ENDOU: variants seen among roughly 807,000 people sequenced by gnomAD.
The protein encoded by ENDOU is endonuclease, poly(U) specific, also known as uridylate-specific endoribonuclease.
A neutral mutation model predicts 54.2 loss-of-function variants in ENDOU; 49 were observed. That is an observed-to-expected ratio of 0.90 (90% confidence interval 0.72 to 1.15). ENDOU has a LOEUF of 1.15. Ranked by LOEUF, ENDOU falls within the 50% of genes most tolerant of loss-of-function variation. The pLI is 0.00. For synonymous variants in ENDOU, 172 were observed against 190.5 expected, an observed-to-expected ratio of 0.90 and a Z score of 0.80; for missense variants, 458 against 511.4, an observed-to-expected ratio of 0.90 and a Z score of 1.01.
intron 2 of ENDOU, 31 bp from the exon 3 acceptor site, chr12:47,718,225 A>G: frequency 6.5e-7 from 1 of 1,539,474 alleles, no homozygotes; most frequent in Non-Finnish European, 8.8e-7. Context: ...AAAGTCACCA[A>G]CAACCTGAGA....
At chr12:47,720,910 G>A (rs1940413983) in intron 1 of ENDOU, 35 bp from the exon 2 acceptor site, 5 of 1,534,972 alleles carry the variant, frequency 3.3e-6, no homozygotes, top group Non-Finnish European at 4.4e-6. Context: ...TCAGCTCTAT[G>A]GAGACCCTGT....
intron 1 of ENDOU, among the ~76,000 whole-genome samples, chr12:47,723,074 G>T (rs1224351159): frequency 6.6e-6 from 1 of 152,200 alleles, no homozygotes; most frequent in Non-Finnish European, 1.5e-5. Flanking sequence ...AATCAGCAGA[G>T]TCCAGGGAAA....
rs757197241 is a variant in ENDOU, at chr12:47,716,909, C to T, written c.532G>A (p.Val178Met). Residue 178 changes from valine to methionine, a missense_variant, in exon 5 of 10, where the codon GTG becomes ATG. Physicochemically the swap from Val to Met is conservative, Grantham distance 21. Coordinates refer to ENST00000422538, the MANE Select transcript of ENDOU (RefSeq NM_001172439.2). ...CISPSETRNQVDRCPKPLFTY... is the reference protein window; with the variant it reads ...CISPSETRNQMDRCPKPLFTY... ...ACTCACGGCTTTGGGCAGCGATCCA[C>T]TTGGTTTCTGGTCTCTGACGGGGAG... 5 of 1,614,186 alleles carry T rather than the reference C, an allele frequency of 3.1e-6. No individual in the cohort carries two copies. Among genetic ancestry groups the T allele is most frequent in the Non-Finnish European group, 4.2e-6 (5 of 1,180,040 alleles).
chr12:47,718,042 G>T, intron 3 of ENDOU, 87 bp downstream of exon 3: 1 of 1,174,306 alleles, frequency 8.5e-7, no homozygotes, highest in Non-Finnish European at 1.2e-6. Flanking sequence ...CCTGGGCCTG[G>T]TGCCACTGCC....
intron 1 of ENDOU, among the ~76,000 whole-genome samples, chr12:47,724,345 G>T (rs1054625116): frequency 6.6e-6 from 1 of 152,160 alleles, no homozygotes; most frequent in African/African-American, 2.4e-5. Context: ...TGGTTGGGAG[G>T]CACAACTTCC....
intron 6 of ENDOU, 69 bp from the exon 7 acceptor site, chr12:47,713,457 C>T: frequency 1.0e-6 from 1 of 994,400 alleles, no homozygotes; most frequent in Admixed American, 1.8e-5. Context: ...TAAACAGAGA[C>T]CTGAAGAGCT....
chr12:47,712,753 G>A (rs112845931), intron 7 of ENDOU, 131 bp from the exon 8 acceptor site: 180 of 675,524 alleles, frequency 2.7e-4, no homozygotes, highest in Admixed American at 4.5e-4. Flanking sequence ...ACCCCTTGCT[G>A]TGAGTCCCCA....
Position 47,725,362 on chromosome 12 carries a change from C to A in ENDOU, c.52G>T (p.Ala18Ser), listed in dbSNP as rs143914833. The A allele has an allele frequency of 2.4e-4, 380 of 1,614,146 alleles. 3 individuals carry two copies. In the East Asian group the frequency reaches 6.5e-3, roughly 28 times the overall value. Residue 18 changes from alanine to serine, a missense_variant, in exon 1 of 10, where the codon GCT (alanine) becomes TCT (serine). By Grantham distance (99) the Ala-to-Ser change is moderately conservative. Transcript: ENST00000422538. ...VLAVLCGLAWAGKIESCASRC... is the reference protein window; with the variant it reads ...VLAVLCGLAWSGKIESCASRC... ...TGCCCGCCAGATAGTGACTTACCAG[C>A]CCAGGCCAGGCCACACAGCACGGCC... is the stretch of plus-strand genomic sequence containing the variant.
At chr12:47,717,154 G>C in intron 4 of ENDOU, 96 bp from the exon 5 acceptor site, 1 of 1,049,384 alleles carries the variant, frequency 9.5e-7, no homozygotes. Flanking sequence ...GCACCTTCAA[G>C]AAGCCAGCAA....
Position 47,710,349 on chromosome 12 carries a change from G to A in ENDOU, c.*453C>T, listed in dbSNP as rs1215468849. The A allele has an allele frequency of 6.5e-6, 1 of 153,694 alleles. No individual in the cohort carries two copies. The highest frequency in any genetic ancestry group is 1.9e-4 in the East Asian group (1 of 5,286). 9.5% of individuals were successfully genotyped at this position (153,694 alleles called of 1,614,324 possible). On this transcript the variant is annotated 3_prime_UTR_variant, in exon 10 of 10. Transcript: ENST00000422538. ...TTATAGTAATCTTGAATTTCTATCAGCTGTTCTTCCTAAGAACAACTGAAA... is the reference window on the plus strand; with the variant it reads ...TTATAGTAATCTTGAATTTCTATCAACTGTTCTTCCTAAGAACAACTGAAA...
chr12:47,718,136 G>A lies in ENDOU; in HGVS notation c.237C>T (p.Leu79=), dbSNP rs372544240. The A allele has an allele frequency of 2.8e-5, 44 of 1,573,676 alleles. No individual in the cohort carries two copies. Among genetic ancestry groups the A allele is most frequent in the South Asian group, 1.2e-4 (10 of 85,834 alleles). Residue 79 remains leucine, a synonymous_variant, in exon 3 of 10, where the codon CTC becomes CTT. Transcript: ENST00000422538. Reference sequence around the variant, plus strand: ...TTGGGGAGGCAGGCTCACTGCTGGCGAGGGCCTCTTCTGTCTCTTCCTCCA... The same window carrying A: ...TTGGGGAGGCAGGCTCACTGCTGGCAAGGGCCTCTTCTGTCTCTTCCTCCA... ...PQLEEETEEA[L]ASNLYSAPTS... is the part of the protein sequence containing the mutation.
intron 1 of ENDOU, among the ~76,000 whole-genome samples, chr12:47,721,338 C>G (rs895423764): frequency 6.6e-6 from 1 of 151,912 alleles, no homozygotes; most frequent in South Asian, 2.1e-4. Flanking sequence ...TGAAATTTTC[C>G]AACCTTGTAA....
chr12:47,716,821 C>G (rs577581889), intron 5 of ENDOU, 69 bp downstream of exon 5: 7 of 1,503,876 alleles, frequency 4.7e-6, no homozygotes, highest in Non-Finnish European at 6.4e-6. Context: ...GATAAAAAGT[C>G]GAGACATCGA....
At chr12:47,718,447 G>A (rs1482979568) in intron 2 of ENDOU, among the ~76,000 whole-genome samples, 1 of 152,180 alleles carries the variant, frequency 6.6e-6, no homozygotes, top group Non-Finnish European at 1.5e-5. Flanking sequence ...TGACACATCT[G>A]GATTGAAAAC....
chr12:47,715,747 A>T (rs914524370), intron 6 of ENDOU, among the ~76,000 whole-genome samples: 1 of 152,188 alleles, frequency 6.6e-6, no homozygotes, highest in African/African-American at 2.4e-5. Flanking sequence ...GTCTGACTCA[A>T]ATGTGTCTCT....
chr12:47,711,011 G>T, intron 9 of ENDOU, 92 bp from the exon 10 acceptor site: 4 of 742,816 alleles, frequency 5.4e-6, no homozygotes, highest in Non-Finnish European at 9.0e-6. Context: ...AAGCAGAAGG[G>T]CTCCATTCTG....
intron 1 of ENDOU, among the ~76,000 whole-genome samples, chr12:47,721,676 A>AT (rs1285586685): frequency 6.6e-6 from 1 of 152,208 alleles, no homozygotes; most frequent in Non-Finnish European, 1.5e-5. Flanking sequence ...CACAGACCAC[A>AT]TCCCCCACTG....
At chr12:47,714,732 T>C (rs151052653) in intron 6 of ENDOU, among the ~76,000 whole-genome samples, 108 of 152,278 alleles carry the variant, frequency 7.1e-4, no homozygotes, top group African/African-American at 2.3e-3. Context: ...ATTTCTACAC[T>C]AGGTTCTGTG....
intron 9 of ENDOU, among the ~76,000 whole-genome samples, chr12:47,711,386 G>A (rs183686126): frequency 1.6e-4 from 25 of 152,282 alleles, no homozygotes; most frequent in Admixed American, 3.9e-4. Flanking sequence ...CATATATTAA[G>A]GTCCTGCGTA....
Sources: gnomAD v4.1 joint callset for allele counts (sites outside exome capture counted in the v4.1 genomes callset) on GRCh38, gnomAD v4.1.1 for gene constraint, MANE v1.5 for transcripts, NCBI Gene and HGNC (gene_info 2026-07-23, HGNC 2026-07-21) for gene names.